KLRG1: variants seen among roughly 807,000 people sequenced by gnomAD.
KLRG1 encodes the protein killer cell lectin-like receptor subfamily G member 1.
In KLRG1, 16 loss-of-function variants were observed where a neutral mutation model predicts 21.8. The observed-to-expected ratio is 0.73, with a 90% CI of 0.50 to 1.11. The LOEUF (loss-of-function observed/expected upper bound fraction) is 1.11, where lower values mean the gene tolerates loss of function less well. KLRG1 is among the 50% of genes most tolerant of loss of function. The pLI is 0.00. For missense variants in KLRG1, 173 were observed against 218.3 expected (o/e 0.79, Z 1.31); for synonymous variants, 69 against 75.9 (o/e 0.91, Z 0.47).
At chr12:8,974,661 T>C (rs759787697) in intron 1 of KLRG1, among the ~76,000 whole-genome samples, 4 of 152,214 alleles carry the variant, frequency 2.6e-5, no homozygotes, top group African/African-American at 4.8e-5. Flanking sequence ...TAATGTGGTG[T>C]ATTACATTCA....
the KLRG1 span, among the ~76,000 whole-genome samples, chr12:9,120,887 T>TGTGTG: frequency 1.9e-5 from 1 of 51,772 alleles, no homozygotes; most frequent in South Asian, 8.5e-4. Context: ...GTGTGTGTAT[T>TGTGTG]TTTTTTTTTC....
upstream of KLRG1, among the ~76,000 whole-genome samples, chr12:8,984,726 G>A (rs185644291): frequency 6.6e-6 from 1 of 152,218 alleles, no homozygotes; most frequent in Admixed American, 6.5e-5. Context: ...TTGTTTGCTA[G>A]TTCCAGCATC....
chr12:9,141,899 T>C, the KLRG1 span, among the ~76,000 whole-genome samples: 1 of 152,222 alleles, frequency 6.6e-6, no homozygotes, highest in Non-Finnish European at 1.5e-5. Context: ...AGGTCTTACC[T>C]AGCTGCAAAG....
At chr12:8,967,911 A>G (rs146194201) in intron 1 of KLRG1, among the ~76,000 whole-genome samples, 3 of 152,054 alleles carry the variant, frequency 2.0e-5, no homozygotes, top group African/African-American at 4.8e-5. Flanking sequence ...TGGAGAACCT[A>G]GAGCAATCAT....
chr12:8,984,237 C>T (rs887479550), intron 1 of KLRG1, among the ~76,000 whole-genome samples: 1 of 152,114 alleles, frequency 6.6e-6, no homozygotes, highest in Non-Finnish European at 1.5e-5. Flanking sequence ...GAGTCTCGCT[C>T]TGTCACCTAG....
chr12:9,106,372 T>C, the KLRG1 span: 2 of 1,539,690 alleles, frequency 1.3e-6, no homozygotes, highest in Non-Finnish European at 1.8e-6. Context: ...AAATCTGTTA[T>C]TTTTGGGAAG....
chr12:9,173,589 A>G, the KLRG1 span, among the ~76,000 whole-genome samples: 1 of 152,278 alleles, frequency 6.6e-6, no homozygotes, highest in African/African-American at 2.4e-5. Context: ...AGCTAGACTA[A>G]TAAAGAAGAA....
At chr12:8,977,242 C>T (rs904353500) in intron 1 of KLRG1, among the ~76,000 whole-genome samples, 5 of 149,798 alleles carry the variant, frequency 3.3e-5, no homozygotes, top group African/African-American at 1.2e-4. Flanking sequence ...CTGGCTCTGC[C>T]GCCCAGGCTG....
chr12:9,197,614 A>T, the KLRG1 span, among the ~76,000 whole-genome samples: 1 of 96,012 alleles, frequency 1.0e-5, no homozygotes, highest in Admixed American at 1.8e-4. Flanking sequence ...TATATATTAT[A>T]TATTTATATA....
chr12:9,211,088 C>T, the KLRG1 span, among the ~76,000 whole-genome samples: 1 of 152,196 alleles, frequency 6.6e-6, no homozygotes, highest in Admixed American at 6.5e-5. Flanking sequence ...GGTTGCATCA[C>T]ACCACAATTC....
chr12:8,982,583 C>A (rs1257683671), intron 1 of KLRG1, among the ~76,000 whole-genome samples: 2 of 152,034 alleles, frequency 1.3e-5, no homozygotes, highest in African/African-American at 2.4e-5. Flanking sequence ...TATTTGTATA[C>A]CTTTCTTTTA....
chr12:9,076,889 C>G, the KLRG1 span: 1 of 1,611,000 alleles, frequency 6.2e-7, no homozygotes, highest in Non-Finnish European at 8.5e-7. Context: ...CTTGTGCTGT[C>G]TTCCAGGCTG....
chr12:9,156,378 CT>C, the KLRG1 span: 1 of 180,466 alleles, frequency 5.5e-6, no homozygotes, highest in Non-Finnish European at 1.2e-5. Context: ...ATCTCTGGAT[CT>C]TGTAAATGTC....
At chr12:8,989,031 G>A (rs1946894608), upstream of KLRG1, among the ~76,000 whole-genome samples, 1 of 152,114 alleles carries the variant, frequency 6.6e-6, no homozygotes, top group Non-Finnish European at 1.5e-5. Context: ...AAATATAATG[G>A]AATTTCTGAT....
downstream of KLRG1, among the ~76,000 whole-genome samples, chr12:9,015,708 G>A (rs187846352): frequency 3.2e-4 from 49 of 152,242 alleles, no homozygotes; most frequent in Middle Eastern, 3.4e-3. Flanking sequence ...CAGAATATGC[G>A]TTCTTCTCCT....
chr12:9,152,128 A>G, the KLRG1 span: 1 of 958,858 alleles, frequency 1.0e-6, no homozygotes, highest in Non-Finnish European at 1.7e-6. Context: ...AGGCAGGATG[A>G]TGTTGACATG....
At chr12:9,196,397 A>C in the KLRG1 span, 1 of 1,613,732 alleles carries the variant, frequency 6.2e-7, no homozygotes, top group African/African-American at 1.3e-5. Context: ...TTTGGATACA[A>C]TGTTTGTGAT....
the KLRG1 span, among the ~76,000 whole-genome samples, chr12:9,211,709 C>T: frequency 6.6e-6 from 1 of 152,182 alleles, no homozygotes; most frequent in Admixed American, 6.5e-5. Context: ...TCTGAAGGAG[C>T]AAACACCTTT....
the KLRG1 span, among the ~76,000 whole-genome samples, chr12:9,194,707 G>A: frequency 6.6e-6 from 1 of 152,010 alleles, no homozygotes; most frequent in African/African-American, 2.4e-5. Context: ...CTCGTGATCT[G>A]CCCGCCTCGG....
Sources: gnomAD v4.1 joint callset for allele counts (sites outside exome capture counted in the v4.1 genomes callset) on GRCh38, gnomAD v4.1.1 for gene constraint, MANE v1.5 for transcripts, NCBI Gene and HGNC (gene_info 2026-07-23, HGNC 2026-07-21) for gene names.